STAT3: variants seen among roughly 807,000 people sequenced by gnomAD.
STAT3 encodes DNA-binding protein APRF.
STAT3 carries 7 observed loss-of-function variants against 114.3 expected under a neutral mutation model. The observed-to-expected ratio is 0.06, with a 90% CI of 0.03 to 0.11. The LOEUF is 0.11. Ranked by LOEUF, STAT3 falls within the 10% of genes least tolerant of loss-of-function variation. STAT3 has a pLI of 1.00. For missense variants in STAT3, 364 were observed against 960.9 expected (o/e 0.38, Z 8.21); for synonymous variants, 331 against 354.5 (o/e 0.93, Z 0.74).
chr17:42,365,044 G>A (rs1421239109), intron 1 of STAT3, among the ~76,000 whole-genome samples: 1 of 152,166 alleles, frequency 6.6e-6, no homozygotes, highest in Non-Finnish European at 1.5e-5. Context: ...CATTTGTGGT[G>A]GTTGGATAAC....
At chr17:42,329,302 C>A in intron 14 of STAT3, 108 bp downstream of exon 14, 1 of 1,530,270 alleles carries the variant, frequency 6.5e-7, no homozygotes, top group Non-Finnish European at 9.0e-7. Context: ...ATAACTACAG[C>A]TGAAAGAACA....
intron 1 of STAT3, among the ~76,000 whole-genome samples, chr17:42,382,726 A>G (rs2084869556): frequency 6.6e-6 from 1 of 151,396 alleles, no homozygotes; most frequent in Non-Finnish European, 1.5e-5. Context: ...AGCTCACTGC[A>G]AGCTCCGCCT....
In STAT3 at chr17:42,337,281, C is replaced by T. The variant is rs545363092; in HGVS notation, c.797+154G>A. On this transcript the variant is annotated intron_variant, in intron 8 of 23. Coordinates refer to ENST00000264657, the MANE Select transcript of STAT3 (RefSeq NM_139276.3). This position sits in a 1 kb window ranked among gnomAD's most constrained non-coding sequence, Gnocchi z 4.0. Reference sequence around the variant, plus strand: ...ACAGGTGTGAGCCACAGCGCCTGGCCGAAATAAAGTAAAAACTTTAATTCT... The same window carrying T: ...ACAGGTGTGAGCCACAGCGCCTGGCTGAAATAAAGTAAAAACTTTAATTCT... Among the ~76,000 whole-genome samples the T allele has an allele frequency of 6.6e-6, 1 of 152,002 alleles. No homozygotes were observed. Among genetic ancestry groups the T allele is most frequent in the African/African-American group, 2.4e-5 (1 of 41,368 alleles).
intron 1 of STAT3, among the ~76,000 whole-genome samples, chr17:42,373,775 G>A (rs2084296727): frequency 6.7e-6 from 1 of 149,004 alleles, no homozygotes; most frequent in Non-Finnish European, 1.5e-5. Context: ...GTCCCATCTA[G>A]TCAGGAGGCT....
chr17:42,370,638 T>G (rs1333768164), intron 1 of STAT3, among the ~76,000 whole-genome samples: 1 of 151,720 alleles, frequency 6.6e-6, no homozygotes, highest in Non-Finnish European at 1.5e-5. Context: ...TTTTGTTTTT[T>G]TTTTTAAGAG....
At chr17:42,366,781 T>G (rs2083823536) in intron 1 of STAT3, among the ~76,000 whole-genome samples, 1 of 151,446 alleles carries the variant, frequency 6.6e-6, no homozygotes, top group Admixed American at 6.6e-5. Context: ...TGGACTAGGC[T>G]AACTGGCCTG....
At position 42,337,542 on chromosome 17, in the gene STAT3, G is replaced by A. The variant is rs746151758; in HGVS notation, c.690C>T (p.Tyr230=). 1.5e-5 allele frequency: 24 copies of A among 1,614,092 alleles called. No individual in the cohort carries two copies. Among genetic ancestry groups the A allele is most frequent in the Middle Eastern group, 1.6e-4 (1 of 6,084 alleles). ...ELAGLLSAME[Y]VQKTLTDEEL... ...CCTCGTCCGTGAGAGTTTTCTGCAC[G>A]TACTCCATCGCTGACAAAAGCCCCG... is the stretch of plus-strand genomic sequence containing the variant. The change falls in exon 8 of 24, where the codon TAC becomes TAT. Residue 230 remains tyrosine (Y), a synonymous_variant. Transcript: ENST00000264657. This position sits in a 1 kb window ranked among gnomAD's most constrained non-coding sequence, Gnocchi z 4.0.
At chr17:42,366,515 A>G (rs907201443) in intron 1 of STAT3, among the ~76,000 whole-genome samples, 1 of 151,972 alleles carries the variant, frequency 6.6e-6, no homozygotes, top group African/African-American at 2.4e-5. Flanking sequence ...TACGAAATAT[A>G]CAAAAATTAG....
chr17:42,365,649 T>G (rs112467801), intron 1 of STAT3, among the ~76,000 whole-genome samples: 4,211 of 146,386 alleles, frequency 0.029, 95 homozygotes, highest in African/African-American at 0.057. Flanking sequence ...GTTTTTTTTT[T>G]TTGTTTTTTT....
intron 4 of STAT3, among the ~76,000 whole-genome samples, chr17:42,341,023 A>T (rs1392965545): frequency 2.0e-5 from 3 of 152,130 alleles, no homozygotes; most frequent in African/African-American, 7.2e-5. Context: ...GATCTAACTC[A>T]GGGCACAGGC....
rs376764794 is a variant in STAT3, at chr17:42,313,904, G to A, written c.*1841C>T. On this transcript the variant is annotated 3_prime_UTR_variant, in exon 24 of 24. Transcript: ENST00000264657. ...AACCCTGTTCATCTTAGAGAAGGTC[G>A]TCTCCCCCTTAATTCAGAGACCAGC... 14 of 232,342 alleles carry A rather than the reference G, an allele frequency of 6.0e-5. No homozygotes were observed. The highest frequency in any genetic ancestry group is 7.7e-5 in the Non-Finnish European group (9 of 117,142). 14.4% of individuals were successfully genotyped at this position (232,342 alleles called of 1,614,324 possible).
chr17:42,351,674 C>T (rs933623727), intron 1 of STAT3, among the ~76,000 whole-genome samples: 1 of 152,246 alleles, frequency 6.6e-6, no homozygotes, highest in African/African-American at 2.4e-5. Context: ...TGAAAAAGCT[C>T]AGTAAAGCAA....
chr17:42,354,205 T>C (rs1209750062), intron 1 of STAT3, among the ~76,000 whole-genome samples: 4 of 140,958 alleles, frequency 2.8e-5, no homozygotes, highest in Non-Finnish European at 6.1e-5. Flanking sequence ...GATGAAATAC[T>C]GTCACCCGGG....
intron 1 of STAT3, among the ~76,000 whole-genome samples, chr17:42,354,327 G>C (rs1394503920): frequency 6.7e-6 from 1 of 150,062 alleles, no homozygotes; most frequent in Non-Finnish European, 1.5e-5. Flanking sequence ...GCCCCACCAC[G>C]CCCGGCTAAT....
At chr17:42,383,728 A>G (rs2084928899) in intron 1 of STAT3, among the ~76,000 whole-genome samples, 1 of 152,252 alleles carries the variant, frequency 6.6e-6, no homozygotes, top group Non-Finnish European at 1.5e-5. Context: ...AGGCTGCTCC[A>G]GAACACCAGA....
rs1372346417 is a variant in STAT3 at position 42,317,288 on chromosome 17, G to A, written c.2102-64C>T. On this transcript the variant is annotated intron_variant, in intron 21 of 23. Coordinates refer to ENST00000264657, the MANE Select transcript of STAT3 (RefSeq NM_139276.3). Reference sequence around the variant, plus strand: ...TTCGCATTCAGTAAGCAGAGCTGGAGGAAGCCATCTGCCTCGGCAGGACTG... The same window carrying A: ...TTCGCATTCAGTAAGCAGAGCTGGAAGAAGCCATCTGCCTCGGCAGGACTG... 4 of 1,579,096 alleles carry A rather than the reference G, an allele frequency of 2.5e-6. No homozygotes were observed. The Admixed American group carries it at 5.2e-5, about 20-fold the overall frequency.
At chr17:42,383,394 G>C (rs1334681027) in intron 1 of STAT3, among the ~76,000 whole-genome samples, 6 of 150,656 alleles carry the variant, frequency 4.0e-5, no homozygotes, top group African/African-American at 1.5e-4. Flanking sequence ...GAAACAAAGT[G>C]GTCTCACTAT....
rs1002873956 is a variant in STAT3 at position 42,317,440 on chromosome 17, C to A, written c.2102-216G>T. The A allele has an allele frequency of 4.1e-5, 26 of 633,998 alleles. No homozygotes were observed. The African/African-American group carries it at 4.2e-4, about 10-fold the overall frequency. The allele number at this position is 633,998 out of a possible 1,614,324, so 39.3% of individuals were successfully genotyped here. Reference sequence around the variant, plus strand: ...AGCAGCTGTGAACTTCAGTTCTTTGCACAAAGCTGTCCTGAGCTGCAGAGA... The same window carrying A: ...AGCAGCTGTGAACTTCAGTTCTTTGAACAAAGCTGTCCTGAGCTGCAGAGA... On this transcript the variant is annotated intron_variant, in intron 21 of 23. Transcript: ENST00000264657.
chr17:42,334,189 G>C (rs953046031), intron 8 of STAT3, 140 bp from the exon 9 acceptor site: 3 of 961,902 alleles, frequency 3.1e-6, no homozygotes, highest in African/African-American at 3.3e-5. Flanking sequence ...AATATATATA[G>C]CATGAAATTT....
Sources: allele counts gnomAD v4.1 joint callset (sites outside exome capture counted in the v4.1 genomes callset), GRCh38; gene constraint gnomAD v4.1.1; non-coding constraint Gnocchi (gnomAD v3.1); transcripts MANE v1.5; gene names NCBI Gene and HGNC (gene_info 2026-07-23, HGNC 2026-07-21).